PDE4B: variants seen among roughly 807,000 people sequenced by gnomAD.
PDE4B encodes 3',5'-cyclic-AMP phosphodiesterase 4B.
A neutral mutation model predicts 82.2 loss-of-function variants in PDE4B; 20 were observed. That is an observed-to-expected ratio of 0.24 (90% CI 0.17 to 0.35). The LOEUF (loss-of-function observed/expected upper bound fraction) is 0.35. Ranked by LOEUF, PDE4B falls within the 10% of genes least tolerant of loss-of-function variation. The probability of loss-of-function intolerance (pLI) is 1.00; values close to 1 mark genes in which losing one functional copy is unlikely to be tolerated. For synonymous variants in PDE4B, 320 were observed against 318.9 expected (o/e 1.00, Z -0.04); for missense variants, 655 against 907.2 (o/e 0.72, Z 3.57).
intron 7 of PDE4B, among the ~76,000 whole-genome samples, chr1:66,292,099 G>A (rs982678735): frequency 6.6e-6 from 1 of 152,126 alleles, no homozygotes; most frequent in Non-Finnish European, 1.5e-5. Context: ...GATGATTCTT[G>A]TATAAATCGA....
At position 66,257,651 on chromosome 1, in the gene PDE4B, G is replaced by A. The variant is rs762645648; in HGVS notation, c.481G>A (p.Gly161Ser). 20 of 1,613,258 alleles carry A rather than the reference G, an allele frequency of 1.2e-5. No individual in the cohort carries two copies. The highest frequency in any genetic ancestry group is 5.5e-5 in the South Asian group (5 of 91,050). ...RNSSLPSEQH[G>S]DDLIVTPFAQ... is the part of the protein sequence containing the mutation. ...CTTTTTTTCTCTTTTCACCAGACAC[G>A]GCGATGACTTGATTGTAACTCCTTT... The change falls in exon 5 of 17, where the codon GGC becomes AGC. Residue 161 changes from glycine (G) to serine (S), a missense_variant. Around this residue, in one of 3 missense-constraint regions of PDE4B, gnomAD observed 253 missense variants for 275.6 expected, o/e 0.92. Transcript: ENST00000341517.
At chr1:66,033,917 AC>A (rs1461893655) in intron 3 of PDE4B, among the ~76,000 whole-genome samples, 1 of 152,100 alleles carries the variant, frequency 6.6e-6, no homozygotes, top group Non-Finnish European at 1.5e-5. Flanking sequence ...ATTCTGAGTC[AC>A]CTACTCCATT....
At chr1:66,292,291 T>C (rs60233149) in intron 7 of PDE4B, among the ~76,000 whole-genome samples, 15 of 152,320 alleles carry the variant, frequency 9.8e-5, no homozygotes, top group African/African-American at 3.4e-4. Context: ...ATCTATTTCA[T>C]ATGTAACACA....
chr1:66,138,521 T>C (rs986350204), intron 3 of PDE4B, among the ~76,000 whole-genome samples: 2 of 152,072 alleles, frequency 1.3e-5, no homozygotes, highest in African/African-American at 4.8e-5. Flanking sequence ...CGAGCAAGAC[T>C]CCATATCTAC....
At chr1:65,796,303 A>G (rs1645630912) in intron 1 of PDE4B, among the ~76,000 whole-genome samples, 1 of 152,204 alleles carries the variant, frequency 6.6e-6, no homozygotes, top group Admixed American at 6.5e-5. Flanking sequence ...TCAAACACAA[A>G]AGTGTTTCAG....
intron 3 of PDE4B, among the ~76,000 whole-genome samples, chr1:65,956,639 AC>A (rs1166884781): frequency 6.6e-6 from 1 of 152,178 alleles, no homozygotes; most frequent in Non-Finnish European, 1.5e-5. Context: ...TTCGCGAAAT[AC>A]GTGAATAGTA....
intron 3 of PDE4B, among the ~76,000 whole-genome samples, chr1:66,125,454 G>A (rs190943851): frequency 1.9e-4 from 29 of 152,210 alleles, no homozygotes; most frequent in African/African-American, 6.0e-4. Context: ...GAGCCACCAC[G>A]CCCTGCCCCT....
intron 3 of PDE4B, among the ~76,000 whole-genome samples, chr1:66,143,240 T>C (rs1033686151): frequency 3.3e-5 from 5 of 152,222 alleles, no homozygotes; most frequent in African/African-American, 1.2e-4. Context: ...ACTAACTGTA[T>C]TATGAGCCAT....
intron 1 of PDE4B, among the ~76,000 whole-genome samples, chr1:65,794,629 C>CT (rs1487983469): frequency 6.6e-6 from 1 of 152,168 alleles, no homozygotes; most frequent in Non-Finnish European, 1.5e-5. Context: ...ATAAATATAG[C>CT]ATTGGTCTCT....
upstream of PDE4B, among the ~76,000 whole-genome samples, chr1:65,792,875 G>A (rs1242229641): frequency 1.3e-5 from 2 of 152,038 alleles, no homozygotes; most frequent in Admixed American, 6.5e-5. Flanking sequence ...GGACAGTAGG[G>A]AGAGGGGGTT....
chr1:65,985,563 A>T (rs1650912724), intron 3 of PDE4B, among the ~76,000 whole-genome samples: 1 of 152,192 alleles, frequency 6.6e-6, no homozygotes, highest in Admixed American at 6.5e-5. Flanking sequence ...TATTCATTTG[A>T]AATCACCCTT....
chr1:66,096,611 C>A (rs991082616), intron 3 of PDE4B, among the ~76,000 whole-genome samples: 1 of 138,478 alleles, frequency 7.2e-6, no homozygotes, highest in African/African-American at 2.7e-5. Flanking sequence ...ATATATTGAC[C>A]ATATTTTTAT....
intron 7 of PDE4B, among the ~76,000 whole-genome samples, chr1:66,280,589 A>T (rs1656222750): frequency 6.6e-6 from 1 of 152,160 alleles, no homozygotes; most frequent in South Asian, 2.1e-4. Flanking sequence ...TTTGAATGTG[A>T]ATCCAATTTG....
chr1:66,112,079 A>G (rs1323469906), intron 3 of PDE4B, among the ~76,000 whole-genome samples: 1 of 152,184 alleles, frequency 6.6e-6, no homozygotes, highest in South Asian at 2.1e-4. Flanking sequence ...ATTAATTTAT[A>G]TACATTGAGT....
intron 3 of PDE4B, among the ~76,000 whole-genome samples, chr1:66,123,388 G>A (rs369880494): frequency 3.2e-4 from 48 of 152,064 alleles, no homozygotes; most frequent in African/African-American, 1.0e-3. Context: ...TACTTTCATC[G>A]GCACTTTCAG....
At chr1:65,965,341 G>T (rs763567115) in intron 3 of PDE4B, among the ~76,000 whole-genome samples, 28 of 152,010 alleles carry the variant, frequency 1.8e-4, no homozygotes, top group Non-Finnish European at 3.8e-4. Context: ...CAGTGAAATT[G>T]GTGCAGGATC....
At chr1:66,185,688 T>C (rs1360265335) in intron 3 of PDE4B, among the ~76,000 whole-genome samples, 2 of 152,164 alleles carry the variant, frequency 1.3e-5, no homozygotes, top group African/African-American at 4.8e-5. Context: ...GATGGAGTTG[T>C]TTTTTCTTGT....
intron 3 of PDE4B, among the ~76,000 whole-genome samples, chr1:66,104,380 A>C (rs1445088329): frequency 1.4e-5 from 2 of 147,264 alleles, no homozygotes; most frequent in Non-Finnish European, 3.0e-5. Context: ...GCTATTGTGA[A>C]TAGTGCCGCA....
chr1:65,995,139 C>T (rs1569916395), intron 3 of PDE4B, among the ~76,000 whole-genome samples: 1 of 152,060 alleles, frequency 6.6e-6, no homozygotes, highest in African/African-American at 2.4e-5. Context: ...AATCATTAAA[C>T]TTGTGAAATA....
Sources: allele counts gnomAD v4.1 joint callset (sites outside exome capture counted in the v4.1 genomes callset), GRCh38; gene constraint gnomAD v4.1.1; regional missense constraint gnomAD v4.1.1; transcripts MANE v1.5; gene names NCBI Gene and HGNC (gene_info 2026-07-23, HGNC 2026-07-21).